The following ZNF385D variants were observed in gnomAD, a reference collection of about 807,000 sequenced individuals.
ZNF385D encodes the protein zinc finger protein 659.
A neutral mutation model predicts 35.8 loss-of-function variants in ZNF385D; 15 were observed. The ratio of observed to expected loss-of-function variants is 0.42; its 90% confidence interval spans 0.28 to 0.64. ZNF385D has a LOEUF of 0.64. Ranked by LOEUF, ZNF385D falls within the 30% of genes least tolerant of loss-of-function variation. The pLI is 0.23. For synonymous variants in ZNF385D, 212 were observed against 186.8 expected (o/e 1.13, Z -1.10); for missense variants, 474 against 494.6 (o/e 0.96, Z 0.39).
chr3:21,994,616 T>C (rs1695350563), intron 3 of ZNF385D, among the ~76,000 whole-genome samples: 1 of 152,224 alleles, frequency 6.6e-6, no homozygotes, highest in African/African-American at 2.4e-5. Context: ...TTTTTCATGC[T>C]TCTTATGTCC....
At chr3:21,774,729 A>C (rs2071217364) in intron 3 of ZNF385D, among the ~76,000 whole-genome samples, 1 of 151,922 alleles carries the variant, frequency 6.6e-6, no homozygotes, top group Non-Finnish European at 1.5e-5. Flanking sequence ...TGTAATTAAG[A>C]ATAACATGAT....
At chr3:21,914,401 G>A (rs1700100234) in intron 3 of ZNF385D, among the ~76,000 whole-genome samples, 1 of 84,274 alleles carries the variant, frequency 1.2e-5, no homozygotes, top group African/African-American at 4.7e-5. Context: ...TTTTTTTTTG[G>A]TCTTATCTCT....
chr3:21,909,650 A>G (rs1378473028), intron 3 of ZNF385D, among the ~76,000 whole-genome samples: 5 of 152,056 alleles, frequency 3.3e-5, no homozygotes, highest in Admixed American at 6.6e-5. Flanking sequence ...CCTCTTGGAT[A>G]CTGTAGCAGG....
chr3:21,650,581 C>G (rs2065882608), intron 2 of ZNF385D, among the ~76,000 whole-genome samples: 1 of 151,824 alleles, frequency 6.6e-6, no homozygotes, highest in Non-Finnish European at 1.5e-5. Context: ...TTTAAAAAAT[C>G]CTCTGAAGAG....
intron 2 of ZNF385D, among the ~76,000 whole-genome samples, chr3:21,636,447 A>G (rs2065453409): frequency 7.3e-6 from 1 of 137,290 alleles, no homozygotes; most frequent in Admixed American, 7.9e-5. Context: ...TCACACGATC[A>G]CAAGATACCA....
At chr3:21,623,218 T>C (rs938102580) in intron 2 of ZNF385D, among the ~76,000 whole-genome samples, 6 of 152,168 alleles carry the variant, frequency 3.9e-5, no homozygotes, top group Admixed American at 6.6e-5. Context: ...CAAGCACTTA[T>C]GCATGGTATC....
At chr3:21,692,485 A>C (rs1199509144) in intron 1 of ZNF385D, among the ~76,000 whole-genome samples, 1 of 152,154 alleles carries the variant, frequency 6.6e-6, no homozygotes, top group Admixed American at 6.5e-5. Context: ...ATTGCTTCCC[A>C]AACTCTCCCA....
chr3:21,483,077 G>A (rs1023756168), intron 4 of ZNF385D, among the ~76,000 whole-genome samples: 2 of 152,020 alleles, frequency 1.3e-5, no homozygotes, highest in Non-Finnish European at 2.9e-5. Flanking sequence ...GTAGATTCTT[G>A]TAATCATCAT....
rs562110199 is a variant in ZNF385D, at chr3:21,615,115, TG to T, written c.165+49770del. ...TAAATATGATCCCCATTGTTGAAGG[TG>T]GGGCCTAGTGGGAGGTCTTTTGGTT... is the stretch of plus-strand genomic sequence containing the variant. On this transcript the variant is annotated intron_variant, in intron 2 of 7. Coordinates refer to ENST00000281523, the MANE Select transcript of ZNF385D (RefSeq NM_024697.3). 4.6e-4 allele frequency among the ~76,000 whole-genome samples: 70 copies of T among 152,330 alleles called. 2 individuals are homozygous for T. The South Asian group carries it at 0.014, about 30-fold the overall frequency.
At chr3:21,479,702 T>C (rs1267115516) in intron 4 of ZNF385D, among the ~76,000 whole-genome samples, 3 of 152,180 alleles carry the variant, frequency 2.0e-5, no homozygotes, top group Non-Finnish European at 4.4e-5. Flanking sequence ...AATGAAAGGC[T>C]ACTTTGCAAT....
At chr3:21,582,753 TTTTATTTA>T (rs34190489) in intron 2 of ZNF385D, among the ~76,000 whole-genome samples, 1 of 150,730 alleles carries the variant, frequency 6.6e-6, no homozygotes, top group African/African-American at 2.4e-5. Flanking sequence ...TTTTTAACAC[TTTTATTTA>T]TTTATTTATT....
Position 21,781,749 on chromosome 3 carries a change from A to G in ZNF385D, c.326-116721T>C, listed in dbSNP as rs77144577. ...GCTCATAATATTAAAGAGTATAAAT[A>G]TAAGCAGATATTTGGAGGCTCATCC... is the stretch of plus-strand genomic sequence containing the variant. On this transcript the variant is annotated intron_variant, in intron 3 of 5. Coordinates refer to the ZNF385D transcript ENST00000494108. Among the ~76,000 whole-genome samples the G allele has an allele frequency of 2.4e-3, 369 of 152,094 alleles. 3 individuals carry two copies. The highest frequency in any genetic ancestry group is 3.9e-3 in the Non-Finnish European group (263 of 67,988).
intron 3 of ZNF385D, among the ~76,000 whole-genome samples, chr3:22,042,185 A>G (rs1257389292): frequency 3.3e-5 from 5 of 152,060 alleles, no homozygotes; most frequent in Admixed American, 2.6e-4. Flanking sequence ...CTCTTTTGTC[A>G]CGGCTCACTA....
chr3:22,109,383 G>A (rs1182474719), intron 3 of ZNF385D, among the ~76,000 whole-genome samples: 2 of 152,254 alleles, frequency 1.3e-5, no homozygotes, highest in East Asian at 3.9e-4. Flanking sequence ...AGTCCCTAAT[G>A]TATCACAGCT....
intron 1 of ZNF385D, among the ~76,000 whole-genome samples, chr3:21,694,029 C>T (rs1479741381): frequency 3.4e-5 from 2 of 58,194 alleles, no homozygotes; most frequent in Admixed American, 3.3e-4. Context: ...CAGGCGCGTG[C>T]CACTACGCCT....
intron 3 of ZNF385D, among the ~76,000 whole-genome samples, chr3:21,560,687 C>T (rs1483645232): frequency 6.6e-6 from 1 of 152,210 alleles, no homozygotes; most frequent in Non-Finnish European, 1.5e-5. Flanking sequence ...GGGAGATCCG[C>T]TGCTCTCTTC....
In ZNF385D at chr3:21,436,981, G is replaced by C; in HGVS notation, c.662C>G (p.Ala221Gly). 1.2e-6 allele frequency: 2 copies of C among 1,613,728 alleles called. No individual in the cohort carries two copies. Among genetic ancestry groups the C allele is most frequent in the Non-Finnish European group, 1.7e-6 (2 of 1,179,798 alleles). ...TCGCTGCATCTCACCACTGTTGTGC[G>C]CCTCCAGCTGCGAGGCAGAGTTGAC... is the stretch of plus-strand genomic sequence containing the variant. ...VAVNSASQLE[A>G]HNSGTKHKTM... The change falls in exon 5 of 8, where the codon GCG becomes GGG. Residue 221 changes from alanine to glycine, a missense_variant. Coordinates refer to ENST00000281523, the MANE Select transcript of ZNF385D (RefSeq NM_024697.3).
intron 4 of ZNF385D, among the ~76,000 whole-genome samples, chr3:21,441,263 A>G (rs892593939): frequency 6.6e-6 from 1 of 152,192 alleles, no homozygotes. Flanking sequence ...ATAATAGCTA[A>G]TCATCGTGGA....
intron 4 of ZNF385D, among the ~76,000 whole-genome samples, chr3:21,510,381 C>T (rs1441028740): frequency 6.6e-6 from 1 of 152,140 alleles, no homozygotes; most frequent in African/African-American, 2.4e-5. Flanking sequence ...TATCACACAG[C>T]CACTACTTAA....
Sources: gnomAD v4.1 joint callset for allele counts (sites outside exome capture counted in the v4.1 genomes callset) on GRCh38, gnomAD v4.1.1 for gene constraint, MANE v1.5 for transcripts, NCBI Gene and HGNC (gene_info 2026-07-23, HGNC 2026-07-21) for gene names.